PBRM1: variants seen among roughly 807,000 people sequenced by gnomAD.
The protein encoded by PBRM1 is protein polybromo-1.
A neutral mutation model predicts 194.5 loss-of-function variants in PBRM1; 27 were observed. The ratio of observed to expected loss-of-function variants is 0.14; its 90% CI spans 0.10 to 0.19. PBRM1 has a LOEUF of 0.19. Ranked by LOEUF, PBRM1 falls within the 10% of genes least tolerant of loss-of-function variation. The pLI is 1.00. For synonymous variants in PBRM1, 655 were observed against 693.2 expected, an observed-to-expected ratio of 0.94 and a Z score of 0.87; for missense variants, 1,466 against 2,077.2, an observed-to-expected ratio of 0.71 and a Z score of 5.72.
intron 5 of PBRM1, among the ~76,000 whole-genome samples, chr3:52,653,938 T>C (rs1275099966): frequency 6.6e-6 from 1 of 152,114 alleles, no homozygotes; most frequent in Non-Finnish European, 1.5e-5. Context: ...GCAAAATTAT[T>C]AGCAACTTCT....
chr3:52,549,321 T>G (rs182306207), intron 29 of PBRM1, among the ~76,000 whole-genome samples: 126 of 151,800 alleles, frequency 8.3e-4, no homozygotes, highest in Admixed American at 1.5e-3. Context: ...CTCCTGGCCC[T>G]CATCTGGCTA....
chr3:52,581,471 C>T (rs571073962), intron 20 of PBRM1, among the ~76,000 whole-genome samples: 2 of 149,058 alleles, frequency 1.3e-5, no homozygotes, highest in Admixed American at 1.3e-4. Flanking sequence ...GATTGTGCCG[C>T]TATACTCCAA....
intron 20 of PBRM1, chr3:52,586,135 C>T (rs1251047282): frequency 1.9e-5 from 4 of 213,310 alleles, no homozygotes; most frequent in Admixed American, 5.3e-5. Context: ...GAGGTTTCAC[C>T]ATGTTGGTCA....
intron 17 of PBRM1, among the ~76,000 whole-genome samples, chr3:52,600,793 C>G (rs1000122526): frequency 1.3e-5 from 2 of 152,134 alleles, no homozygotes; most frequent in Non-Finnish European, 2.9e-5. Flanking sequence ...CACGCGCCAC[C>G]ACGCCTGGCT....
chr3:52,678,540 T>G, exon 2 of PBRM1: 1 of 1,613,828 alleles, frequency 6.2e-7, no homozygotes, highest in South Asian at 1.1e-5. Flanking sequence ...CAGAGAAGTC[T>G]GCCCTGTTCA....
chr3:52,643,192 T>C (rs2096171654), intron 9 of PBRM1, 56 bp downstream of exon 10: 3 of 1,209,138 alleles, frequency 2.5e-6, no homozygotes, highest in South Asian at 2.4e-5. Context: ...CAAATACTAG[T>C]ATGCCTATCT....
chr3:52,578,868 G>T (rs2090366435), intron 21 of PBRM1, 186 bp downstream of exon 23: 2 of 657,880 alleles, frequency 3.0e-6, no homozygotes, highest in East Asian at 5.5e-5. Context: ...AATAGTGGAA[G>T]AAAACAAAAG....
chr3:52,652,384 C>CAA (rs71615865), intron 5 of PBRM1, among the ~76,000 whole-genome samples: 3 of 96,662 alleles, frequency 3.1e-5, no homozygotes, highest in East Asian at 2.5e-4. Context: ...GACTTCGTCT[C>CAA]AAAAAAAAAA....
intron 21 of PBRM1, among the ~76,000 whole-genome samples, chr3:52,578,132 G>A (rs1295299867): frequency 6.6e-6 from 1 of 152,056 alleles, no homozygotes; most frequent in African/African-American, 2.4e-5. Context: ...TTCAAGTGTT[G>A]GTTCAGCTGC....
chr3:52,644,314 T>G (rs1021747988), intron 8 of PBRM1, among the ~76,000 whole-genome samples: 22 of 152,118 alleles, frequency 1.4e-4, no homozygotes, highest in Admixed American at 1.2e-3. Flanking sequence ...AAATGCAACA[T>G]AAACCGTGTT....
At chr3:52,631,314 A>G (rs909113645) in intron 11 of PBRM1, among the ~76,000 whole-genome samples, 1 of 152,124 alleles carries the variant, frequency 6.6e-6, no homozygotes, top group Non-Finnish European at 1.5e-5. Flanking sequence ...CTATTAAAAA[A>G]AAAAAAAAAT....
At chr3:52,563,940 A>AT (rs1365330597) in intron 23 of PBRM1, 110 bp downstream of exon 25, 2 of 657,054 alleles carry the variant, frequency 3.0e-6, no homozygotes, top group African/African-American at 3.7e-5. Context: ...TATTTGAAAT[A>AT]TTTACTACTC....
At chr3:52,554,777 G>T (rs554813783) in exon 27 of PBRM1, 1 of 1,582,850 alleles carries the variant, frequency 6.3e-7, no homozygotes. Context: ...ATGGTGGGGT[G>T]GAGGCCCCCC....
At chr3:52,590,170 G>A (rs1193597921) in intron 17 of PBRM1, among the ~76,000 whole-genome samples, 1 of 151,790 alleles carries the variant, frequency 6.6e-6, no homozygotes, top group East Asian at 2.0e-4. Flanking sequence ...TTCCAGTACA[G>A]GCCGGTAGCG....
chr3:52,668,674 G>C (rs1020242281), intron 2 of PBRM1, 29 bp from the exon 4 acceptor site: 1 of 1,368,408 alleles, frequency 7.3e-7, no homozygotes. Flanking sequence ...TTTTAAAGGA[G>C]ATTAATCTGA....
chr3:52,564,924 C>T (rs534427849), intron 22 of PBRM1, among the ~76,000 whole-genome samples: 3 of 152,194 alleles, frequency 2.0e-5, no homozygotes, highest in South Asian at 2.1e-4. Flanking sequence ...TTTGGCCAGG[C>T]GCAGTGGCTC....
At chr3:52,583,245 A>C (rs1434736489) in intron 20 of PBRM1, among the ~76,000 whole-genome samples, 1 of 151,898 alleles carries the variant, frequency 6.6e-6, no homozygotes, top group African/African-American at 2.4e-5. Context: ...CCCTGTCTCT[A>C]CTAAAAATAC....
At chr3:52,615,939 ATCTC>A (rs986669653) in intron 14 of PBRM1, among the ~76,000 whole-genome samples, 15 of 152,274 alleles carry the variant, frequency 9.9e-5, no homozygotes, top group Admixed American at 7.2e-4. Flanking sequence ...TTGCTTAGGG[ATCTC>A]TCTCTGAGGA....
At chr3:52,576,312 A>T (rs1226927850) in intron 22 of PBRM1, among the ~76,000 whole-genome samples, 2 of 152,098 alleles carry the variant, frequency 1.3e-5, no homozygotes, top group Non-Finnish European at 2.9e-5. Flanking sequence ...AGCAACTTGG[A>T]AGGCTGAGGT....
Sources: gnomAD v4.1 joint callset for allele counts (sites outside exome capture counted in the v4.1 genomes callset) on GRCh38, gnomAD v4.1.1 for gene constraint, MANE v1.5 for transcripts, NCBI Gene and HGNC (gene_info 2026-07-23, HGNC 2026-07-21) for gene names.